The following CTNNA2 variants were observed in gnomAD, a reference collection of about 807,000 sequenced individuals.
CTNNA2 encodes the protein catenin alpha 2, also known as catenin alpha-2.
A neutral mutation model predicts 101.0 loss-of-function variants in CTNNA2; 42 were observed. That is an observed-to-expected ratio of 0.42 (90% CI 0.32 to 0.54). CTNNA2 has a LOEUF of 0.54. Among genes scored for constraint, CTNNA2 ranks in the 20% least tolerant of loss-of-function variants. The probability of loss-of-function intolerance (pLI) is 0.14; values close to 1 mark genes in which losing one functional copy is unlikely to be tolerated. For missense variants in CTNNA2, 871 were observed against 1,223.1 expected, an observed-to-expected ratio of 0.71 and a Z score of 4.29; for synonymous variants, 450 against 456.4, an observed-to-expected ratio of 0.99 and a Z score of 0.18.
chr2:79,673,265 A>T (rs891184774), intron 2 of CTNNA2, among the ~76,000 whole-genome samples: 1 of 152,114 alleles, frequency 6.6e-6, no homozygotes, highest in South Asian at 2.1e-4. Context: ...ATACCTCATT[A>T]TTCTTTCAGT....
rs190693722 is a variant in CTNNA2 at position 79,607,520 on chromosome 2, A to G, written c.-5-44032A>G. The stretch of plus-strand genomic sequence containing the variant: ...ATTGTAGTAAATAAAACAAATTTCA[A>G]TAAAATAAAAATAATTTAAGGCATA... On this transcript the variant is annotated intron_variant, in intron 1 of 18. Transcript: ENST00000402739. 2.0e-3 allele frequency among the ~76,000 whole-genome samples: 307 copies of G among 152,298 alleles called. 3 individuals are homozygous for G. The highest frequency in any genetic ancestry group is 7.1e-3 in the African/African-American group (295 of 41,580).
At chr2:79,718,259 GA>G (rs1473818168) in intron 2 of CTNNA2, among the ~76,000 whole-genome samples, 1 of 152,046 alleles carries the variant, frequency 6.6e-6, no homozygotes, top group East Asian at 1.9e-4. Flanking sequence ...CTTCATAAAA[GA>G]ATTTTCTCTT....
intron 1 of CTNNA2, chr2:79,547,024 T>C (rs1368265921): frequency 6.6e-6 from 1 of 152,072 alleles, no homozygotes; most frequent in African/African-American, 2.4e-5. Flanking sequence ...TAAAATGTAA[T>C]GTGCATGCAT....
chr2:79,547,602 C>A (rs1673818128), intron 1 of CTNNA2: 1 of 152,100 alleles, frequency 6.6e-6, no homozygotes, highest in Non-Finnish European at 1.5e-5. Flanking sequence ...AACATGAGAC[C>A]TCTGTATATA....
chr2:80,546,950 A>G (rs908167865), intron 11 of CTNNA2, among the ~76,000 whole-genome samples: 1 of 152,188 alleles, frequency 6.6e-6, no homozygotes, highest in Non-Finnish European at 1.5e-5. Context: ...ACTCACACCT[A>G]CTGACTCAGG....
intron 2 of CTNNA2, among the ~76,000 whole-genome samples, chr2:79,200,725 C>A (rs1299876696): frequency 6.6e-6 from 1 of 152,050 alleles, no homozygotes; most frequent in Non-Finnish European, 1.5e-5. Context: ...CAAAAACAAA[C>A]CATGAAGGCC....
chr2:79,984,642 A>G (rs1353442920), intron 7 of CTNNA2, among the ~76,000 whole-genome samples: 1 of 152,164 alleles, frequency 6.6e-6, no homozygotes, highest in Non-Finnish European at 1.5e-5. Flanking sequence ...AAGTGTGGCT[A>G]TGAGTCAGTG....
intron 3 of CTNNA2, among the ~76,000 whole-genome samples, chr2:79,768,917 C>T (rs1019376359): frequency 6.6e-6 from 1 of 152,054 alleles, no homozygotes; most frequent in African/African-American, 2.4e-5. Flanking sequence ...TGCAGTGGCG[C>T]CATCTCGGCT....
chr2:80,559,152 C>A (rs779620243), intron 12 of CTNNA2, among the ~76,000 whole-genome samples: 11 of 152,048 alleles, frequency 7.2e-5, no homozygotes, highest in Non-Finnish European at 1.3e-4. Context: ...AGCATTACTG[C>A]CCTAAAGTAA....
chr2:79,795,332 A>G (rs10185672), intron 3 of CTNNA2, among the ~76,000 whole-genome samples: 42,195 of 151,996 alleles, frequency 0.28, 6,741 homozygotes, highest in East Asian at 0.51. Context: ...GTCTTAAAAG[A>G]TTTAAAAATA....
intron 7 of CTNNA2, among the ~76,000 whole-genome samples, chr2:79,939,702 T>C (rs1370923271): frequency 6.6e-6 from 1 of 152,210 alleles, no homozygotes; most frequent in African/African-American, 2.4e-5. Context: ...CATGTAAACA[T>C]CAATGAATGA....
At chr2:79,415,097 A>G (rs899723599) in intron 4 of CTNNA2, among the ~76,000 whole-genome samples, 1 of 152,122 alleles carries the variant, frequency 6.6e-6, no homozygotes, top group Non-Finnish European at 1.5e-5. Context: ...AGTGATCCTC[A>G]GTGTTGGAAA....
intron 7 of CTNNA2, among the ~76,000 whole-genome samples, chr2:79,967,952 A>T (rs977998949): frequency 3.3e-5 from 5 of 152,236 alleles, no homozygotes; most frequent in African/African-American, 1.2e-4. Context: ...AAGCCAAAGC[A>T]AATGGTTATA....
At chr2:79,555,135 A>G (rs1351776969) in intron 1 of CTNNA2, among the ~76,000 whole-genome samples, 1 of 152,170 alleles carries the variant, frequency 6.6e-6, no homozygotes, top group Non-Finnish European at 1.5e-5. Context: ...TCCTATTTTT[A>G]TGCAAATTGA....
intron 3 of CTNNA2, among the ~76,000 whole-genome samples, chr2:79,794,189 G>A (rs1298559147): frequency 1.3e-5 from 2 of 152,062 alleles, no homozygotes; most frequent in African/African-American, 4.8e-5. Flanking sequence ...GGTTAGGAGA[G>A]AAAGAAAACA....
intron 2 of CTNNA2, among the ~76,000 whole-genome samples, chr2:79,241,345 G>A (rs1234153523): frequency 6.6e-6 from 1 of 152,148 alleles, no homozygotes; most frequent in Non-Finnish European, 1.5e-5. Context: ...TAACACTAAA[G>A]AGATTATGAT....
chr2:79,623,862 T>G (rs551813800), intron 1 of CTNNA2, among the ~76,000 whole-genome samples: 1 of 152,316 alleles, frequency 6.6e-6, no homozygotes, highest in Non-Finnish European at 1.5e-5. Flanking sequence ...GTTTCAAATA[T>G]TATAGTAAAA....
intron 2 of CTNNA2, among the ~76,000 whole-genome samples, chr2:79,243,303 A>G (rs1222256902): frequency 3.3e-5 from 5 of 152,178 alleles, no homozygotes; most frequent in African/African-American, 1.2e-4. Context: ...CTTTTCAGTC[A>G]GAGTTGTCTC....
At chr2:80,283,465 A>T (rs2149164174) in intron 7 of CTNNA2, among the ~76,000 whole-genome samples, 1 of 152,308 alleles carries the variant, frequency 6.6e-6, no homozygotes, top group Admixed American at 6.5e-5. Flanking sequence ...AAATAATCAA[A>T]GGACAAATAA....
Sources: allele counts gnomAD v4.1 joint callset (sites outside exome capture counted in the v4.1 genomes callset), GRCh38; gene constraint gnomAD v4.1.1; transcripts MANE v1.5; gene names NCBI Gene and HGNC (gene_info 2026-07-23, HGNC 2026-07-21).